Variants in ERBB4 observed in about 807,000 individuals in gnomAD.
ERBB4 encodes receptor tyrosine-protein kinase erbB-4.
In ERBB4, 42 loss-of-function variants were observed where a neutral mutation model predicts 158.0. The ratio of observed to expected loss-of-function variants is 0.27; its 90% CI spans 0.21 to 0.34. The LOEUF (loss-of-function observed/expected upper bound fraction) is 0.34. Among genes scored for constraint, ERBB4 ranks in the 10% least tolerant of loss-of-function variants. The probability of loss-of-function intolerance (pLI) is 1.00; values close to 1 mark genes in which losing one functional copy is unlikely to be tolerated. For synonymous variants in ERBB4, 583 were observed against 558.7 expected, an observed-to-expected ratio of 1.04 and a Z score of -0.61; for missense variants, 1,333 against 1,624.1, an observed-to-expected ratio of 0.82 and a Z score of 3.08.
At chr2:211,891,195 T>G (rs2078957930) in intron 3 of ERBB4, among the ~76,000 whole-genome samples, 3 of 87,664 alleles carry the variant, frequency 3.4e-5, no homozygotes, top group South Asian at 4.1e-4. Context: ...ACAGAAATTA[T>G]AACAAACTAT....
At chr2:211,807,190 A>G (rs113170425) in intron 3 of ERBB4, among the ~76,000 whole-genome samples, 2,709 of 152,210 alleles carry the variant, frequency 0.018, 93 homozygotes, top group African/African-American at 0.062. Flanking sequence ...CATGTGCACA[A>G]CGTGCAGGTT....
At chr2:212,341,832 G>A (rs768898923) in intron 1 of ERBB4, among the ~76,000 whole-genome samples, 8 of 152,158 alleles carry the variant, frequency 5.3e-5, no homozygotes, top group Non-Finnish European at 8.8e-5. Flanking sequence ...TAATTGCAAG[G>A]GAACCAGTAG....
At chr2:212,001,208 C>T (rs1285773224) in intron 2 of ERBB4, among the ~76,000 whole-genome samples, 1 of 152,038 alleles carries the variant, frequency 6.6e-6, no homozygotes, top group East Asian at 1.9e-4. Flanking sequence ...TAGTTTCAGG[C>T]TTTTATTTAA....
At chr2:211,619,467 A>G (rs2069513798) in intron 18 of ERBB4, among the ~76,000 whole-genome samples, 192 bp from the exon 19 acceptor site, 1 of 152,146 alleles carries the variant, frequency 6.6e-6, no homozygotes, top group Non-Finnish European at 1.5e-5. Context: ...ACATGATTAC[A>G]TATATAGAAT....
At chr2:212,161,280 TTTA>T (rs1291690845) in intron 1 of ERBB4, among the ~76,000 whole-genome samples, 1 of 151,962 alleles carries the variant, frequency 6.6e-6, no homozygotes, top group African/African-American at 2.4e-5. Flanking sequence ...TGTAATTTCC[TTTA>T]TTAATACTTC....
intron 1 of ERBB4, among the ~76,000 whole-genome samples, chr2:212,222,029 T>G (rs527370854): frequency 6.6e-6 from 1 of 151,712 alleles, no homozygotes; most frequent in South Asian, 2.1e-4. Context: ...AATACTTGAT[T>G]AGTAAATTGA....
At chr2:211,678,050 ATAT>A (rs1181541403) in intron 13 of ERBB4, among the ~76,000 whole-genome samples, 1 of 152,120 alleles carries the variant, frequency 6.6e-6, no homozygotes, top group East Asian at 1.9e-4. Context: ...AATATATGAA[ATAT>A]TATGCAACCA....
chr2:211,410,554 C>A (rs1366058283), intron 25 of ERBB4, among the ~76,000 whole-genome samples: 1 of 151,906 alleles, frequency 6.6e-6, no homozygotes, highest in Non-Finnish European at 1.5e-5. Flanking sequence ...AAGCAGATTC[C>A]CTGAAGAATA....
intron 20 of ERBB4, among the ~76,000 whole-genome samples, chr2:211,551,658 T>C (rs186975057): frequency 1.3e-5 from 2 of 152,200 alleles, no homozygotes; most frequent in African/African-American, 2.4e-5. Context: ...TATTATTTTT[T>C]AAATTTCTAT....
chr2:212,303,967 C>A (rs1388081365), intron 1 of ERBB4, among the ~76,000 whole-genome samples: 1 of 151,544 alleles, frequency 6.6e-6, no homozygotes, highest in African/African-American at 2.4e-5. Flanking sequence ...GATAACTTTC[C>A]TAATTTTTCA....
At chr2:212,019,224 G>T (rs906946201) in intron 2 of ERBB4, among the ~76,000 whole-genome samples, 3 of 152,190 alleles carry the variant, frequency 2.0e-5, no homozygotes, top group Admixed American at 6.5e-5. Flanking sequence ...CTTAGAAAAT[G>T]TCTGGCTCTT....
intron 1 of ERBB4, among the ~76,000 whole-genome samples, chr2:212,280,807 G>GAAACTGTTA (rs1478850781): frequency 2.6e-5 from 4 of 151,608 alleles, no homozygotes; most frequent in African/African-American, 9.7e-5. Context: ...TAAAGTCATA[G>GAAACTGTTA]AAACTGTTAA....
intron 7 of ERBB4, among the ~76,000 whole-genome samples, chr2:211,721,730 G>C (rs2074101148): frequency 6.6e-6 from 1 of 150,916 alleles, no homozygotes; most frequent in Non-Finnish European, 1.5e-5. Context: ...ATAATTTTAG[G>C]TAAAAATCCA....
At chr2:212,290,830 G>C (rs1033517080) in intron 1 of ERBB4, among the ~76,000 whole-genome samples, 1 of 152,012 alleles carries the variant, frequency 6.6e-6, no homozygotes, top group African/African-American at 2.4e-5. Flanking sequence ...ATGCCAGCCA[G>C]TGTAAGAGCA....
chr2:212,446,941 G>A (rs1002948298), intron 1 of ERBB4, among the ~76,000 whole-genome samples: 25 of 149,336 alleles, frequency 1.7e-4, no homozygotes, highest in Non-Finnish European at 2.7e-4. Context: ...CAATTATTTT[G>A]TAAGGAAAGG....
intron 1 of ERBB4, among the ~76,000 whole-genome samples, chr2:212,268,326 T>C (rs1388942337): frequency 2.0e-5 from 3 of 151,798 alleles, no homozygotes; most frequent in Non-Finnish European, 4.4e-5. Flanking sequence ...AAAAATGGAA[T>C]AGCACAAAAA....
At chr2:212,174,748 G>C (rs1352435202) in intron 1 of ERBB4, among the ~76,000 whole-genome samples, 1 of 151,970 alleles carries the variant, frequency 6.6e-6, no homozygotes, top group Non-Finnish European at 1.5e-5. Context: ...ACAACTTTCA[G>C]TTTTTTCTTA....
At chr2:212,310,021 G>A (rs892832701) in intron 1 of ERBB4, among the ~76,000 whole-genome samples, 9 of 150,440 alleles carry the variant, frequency 6.0e-5, no homozygotes, top group Admixed American at 3.3e-4. Flanking sequence ...AAGGTATAAT[G>A]TAACTGATTC....
intron 3 of ERBB4, among the ~76,000 whole-genome samples, chr2:211,792,784 T>C: frequency 6.6e-6 from 1 of 151,928 alleles, no homozygotes; most frequent in Admixed American, 6.6e-5. Flanking sequence ...GGTTAACCAT[T>C]GGACCATGTC....
Sources: allele counts gnomAD v4.1 joint callset (sites outside exome capture counted in the v4.1 genomes callset), GRCh38; gene constraint gnomAD v4.1.1; transcripts MANE v1.5; gene names NCBI Gene and HGNC (gene_info 2026-07-23, HGNC 2026-07-21).